KCNU1: variants seen among roughly 807,000 people sequenced by gnomAD.
KCNU1 encodes potassium calcium-activated channel subfamily U member 1.
In KCNU1, 93 loss-of-function variants were observed where a neutral mutation model predicts 126.8. The observed-to-expected ratio is 0.73, with a 90% CI of 0.62 to 0.87. The LOEUF is 0.87. Among genes scored for constraint, KCNU1 ranks in the 40% least tolerant of loss-of-function variants. The probability of loss-of-function intolerance (pLI) is 0.00; values close to 1 mark genes in which losing one functional copy is unlikely to be tolerated. For synonymous variants in KCNU1, 523 were observed against 494.2 expected (o/e 1.06, Z -0.77); for missense variants, 1,330 against 1,367.1 (o/e 0.97, Z 0.43).
rs1804847308 is a variant in KCNU1 at position 36,838,789 on chromosome 8, T to G, written c.1519-1674T>G. Among the ~76,000 whole-genome samples the G allele has an allele frequency of 2.0e-5, 3 of 152,264 alleles. No homozygotes were observed. The South Asian group carries it at 6.2e-4, about 32-fold the overall frequency. On this transcript the variant is annotated intron_variant, in intron 14 of 26. Transcript: ENST00000399881. ...TGTCATTATTTATACAAGATGGATT[T>G]TAGCTTACAGGAATTGAGAGATATT...
chr8:36,910,169 C>T (rs117820414), intron 21 of KCNU1, among the ~76,000 whole-genome samples: 2,114 of 152,198 alleles, frequency 0.014, 22 homozygotes, highest in South Asian at 0.04. Flanking sequence ...TCATGAGATA[C>T]GCACCAAAGC....
intron 10 of KCNU1, among the ~76,000 whole-genome samples, chr8:36,830,427 T>C (rs1382847476): frequency 1.3e-5 from 2 of 152,158 alleles, no homozygotes; most frequent in Non-Finnish European, 2.9e-5. Flanking sequence ...GAAATATTTC[T>C]ATCAATTTGT....
intron 21 of KCNU1, among the ~76,000 whole-genome samples, chr8:36,910,671 T>C (rs765091490): frequency 1.3e-5 from 2 of 152,182 alleles, no homozygotes; most frequent in African/African-American, 2.4e-5. Flanking sequence ...CGGACTTACG[T>C]TCCTCCCTCC....
At chr8:36,926,454 A>C in intron 24 of KCNU1, among the ~76,000 whole-genome samples, 1 of 151,072 alleles carries the variant, frequency 6.6e-6, no homozygotes, top group Non-Finnish European at 1.5e-5. Context: ...GAGCAATTCC[A>C]CTTTCATCTG....
chr8:36,907,982 G>T (rs544538031), intron 20 of KCNU1, among the ~76,000 whole-genome samples: 19 of 151,134 alleles, frequency 1.3e-4, no homozygotes, highest in East Asian at 3.9e-4. Flanking sequence ...TAACTCTTTG[G>T]TTTTTTTTTC....
chr8:36,811,441 C>G (rs527488807), intron 7 of KCNU1, among the ~76,000 whole-genome samples: 1 of 152,120 alleles, frequency 6.6e-6, no homozygotes, highest in East Asian at 1.9e-4. Context: ...CAACATTGGT[C>G]AATACCAGAA....
At chr8:36,867,187 T>C (rs998061014) in intron 19 of KCNU1, among the ~76,000 whole-genome samples, 1 of 152,138 alleles carries the variant, frequency 6.6e-6, no homozygotes, top group Admixed American at 6.6e-5. Context: ...GCTACATTGA[T>C]GGTTCTGGCA....
chr8:36,892,744 G>A (rs988642723), intron 19 of KCNU1, among the ~76,000 whole-genome samples: 2 of 151,938 alleles, frequency 1.3e-5, no homozygotes, highest in African/African-American at 4.8e-5. Flanking sequence ...TGCATGTTGA[G>A]GTAATTCCTT....
intron 7 of KCNU1, among the ~76,000 whole-genome samples, chr8:36,810,521 A>G (rs958393818): frequency 6.6e-6 from 1 of 152,224 alleles, no homozygotes; most frequent in Non-Finnish European, 1.5e-5. Context: ...CTAGAATATT[A>G]AAAACCTAGA....
At chr8:36,816,761 A>T (rs190380498) in intron 9 of KCNU1, among the ~76,000 whole-genome samples, 1 of 152,274 alleles carries the variant, frequency 6.6e-6, no homozygotes, top group South Asian at 2.1e-4. Context: ...CAAAAACTAT[A>T]TGCATAGAGT....
intron 18 of KCNU1, among the ~76,000 whole-genome samples, chr8:36,848,892 G>A (rs949318271): frequency 6.6e-6 from 1 of 151,962 alleles, no homozygotes; most frequent in Non-Finnish European, 1.5e-5. Context: ...GGGGGAGGGG[G>A]GTGGAGAACT....
chr8:36,845,399 A>G (rs1805106020), intron 16 of KCNU1, among the ~76,000 whole-genome samples, 181 bp from the exon 17 acceptor site: 1 of 152,104 alleles, frequency 6.6e-6, no homozygotes. Flanking sequence ...AGTCAGCCCC[A>G]ATCAAACAAA....
At chr8:36,850,274 G>A (rs1357563352) in intron 18 of KCNU1, among the ~76,000 whole-genome samples, 1 of 151,930 alleles carries the variant, frequency 6.6e-6, no homozygotes, top group African/African-American at 2.4e-5. Flanking sequence ...TTTCATTTTT[G>A]TTACATATTT....
intron 19 of KCNU1, among the ~76,000 whole-genome samples, chr8:36,903,833 A>G (rs1427341549): frequency 6.6e-6 from 1 of 152,182 alleles, no homozygotes; most frequent in Non-Finnish European, 1.5e-5. Flanking sequence ...CCTTCTTCAC[A>G]TGATGGCAGG....
chr8:36,800,638 CT>C (rs1803268971), intron 2 of KCNU1, among the ~76,000 whole-genome samples: 1 of 152,202 alleles, frequency 6.6e-6, no homozygotes, highest in Admixed American at 6.5e-5. Context: ...GGCTTTCTAC[CT>C]GTCTCTGAAC....
At chr8:36,916,710 G>A (rs542909188) in intron 22 of KCNU1, among the ~76,000 whole-genome samples, 1 of 152,184 alleles carries the variant, frequency 6.6e-6, no homozygotes, top group East Asian at 1.9e-4. Context: ...TGCGAATCCA[G>A]TTAGCCCTCT....
Position 36,932,938 on chromosome 8 carries a change from C to A in KCNU1, c.2950C>A (p.Gln984Lys). Residue 984 changes from glutamine to lysine, a missense_variant, in exon 26 of 27, where the codon CAA (glutamine) becomes AAA (lysine). Gln to Lys is a moderately conservative substitution (Grantham distance 53). Around this residue, in one of 3 missense-constraint regions of KCNU1, gnomAD observed 1,054 missense variants for 1,053.9 expected, o/e 1.00. Transcript: ENST00000399881. ...SDVNPRNTFG[Q>K]LFCGSLDLFG... is the part of the protein sequence containing the mutation. ...TCCCCAGCCAAGAAACACCTTTGGA[C>A]AACTGTTCTGTGGCTCATTAGATCT... The A allele has an allele frequency of 1.9e-6, 3 of 1,570,158 alleles. No homozygotes were observed. The highest frequency in any genetic ancestry group is 1.2e-5 in the South Asian group (1 of 85,550).
At chr8:36,794,934 C>CAAAA (rs1000477613) in intron 2 of KCNU1, among the ~76,000 whole-genome samples, 1 of 151,696 alleles carries the variant, frequency 6.6e-6, no homozygotes, top group East Asian at 1.9e-4. Flanking sequence ...TCAACAAAAA[C>CAAAA]AAAAACAAAA....
intron 19 of KCNU1, 106 bp downstream of exon 19, chr8:36,864,627 A>T: frequency 1.5e-6 from 1 of 682,360 alleles, no homozygotes; most frequent in Non-Finnish European, 2.6e-6. Context: ...TCCTATACTG[A>T]CCAATGGAAT....
Sources: gnomAD v4.1 joint callset for allele counts (sites outside exome capture counted in the v4.1 genomes callset) on GRCh38, gnomAD v4.1.1 for gene constraint, gnomAD v4.1.1 regional missense constraint, MANE v1.5 for transcripts, NCBI Gene and HGNC (gene_info 2026-07-23, HGNC 2026-07-21) for gene names.